Variants in HECW1 observed in about 807,000 individuals in gnomAD.
HECW1 encodes the protein E3 ubiquitin-protein ligase HECW1.
Under a neutral mutation model 182.3 loss-of-function variants are expected in HECW1, and 61 were observed. That is an observed-to-expected ratio of 0.33 (90% CI 0.27 to 0.41). The LOEUF (loss-of-function observed/expected upper bound fraction) is 0.41, where lower values mean the gene tolerates loss of function less well. Among genes scored for constraint, HECW1 ranks in the 10% least tolerant of loss-of-function variants. The pLI is 1.00. For missense variants in HECW1, 1,739 were observed against 2,108.9 expected (o/e 0.82, Z 3.44); for synonymous variants, 859 against 832.6 (o/e 1.03, Z -0.55).
At chr7:43,218,697 A>G (rs1292758433) in intron 2 of HECW1, among the ~76,000 whole-genome samples, 2 of 152,218 alleles carry the variant, frequency 1.3e-5, no homozygotes, top group African/African-American at 4.8e-5. Context: ...ACAAAGCCCA[A>G]GGGAAAAGAG....
chr7:43,354,933 A>G (rs1195011095), intron 5 of HECW1, among the ~76,000 whole-genome samples: 8 of 152,072 alleles, frequency 5.3e-5, no homozygotes, highest in African/African-American at 2.4e-5. Flanking sequence ...AAAGCAAAGA[A>G]CATATAAAGG....
intron 2 of HECW1, among the ~76,000 whole-genome samples, chr7:43,235,506 A>T (rs1798249231): frequency 6.6e-6 from 1 of 152,222 alleles, no homozygotes; most frequent in Non-Finnish European, 1.5e-5. Flanking sequence ...AGAAAAAGAA[A>T]ACATGGACTA....
intron 5 of HECW1, among the ~76,000 whole-genome samples, chr7:43,349,285 C>A (rs1486618789): frequency 6.6e-6 from 1 of 152,134 alleles, no homozygotes; most frequent in African/African-American, 2.4e-5. Flanking sequence ...CTGCCTGCCT[C>A]GGCCTCCCAA....
intron 6 of HECW1, among the ~76,000 whole-genome samples, chr7:43,383,860 G>A (rs1020038582): frequency 3.3e-5 from 5 of 152,024 alleles, no homozygotes; most frequent in African/African-American, 9.7e-5. Flanking sequence ...TATGTTATTT[G>A]TATTATATAC....
intron 8 of HECW1, among the ~76,000 whole-genome samples, chr7:43,428,036 C>A (rs2076417318): frequency 6.6e-6 from 1 of 152,170 alleles, no homozygotes; most frequent in Non-Finnish European, 1.5e-5. Context: ...ACAGGCCCCA[C>A]CTGCACCTAG....
chr7:43,167,391 T>A (rs918209493), intron 2 of HECW1, among the ~76,000 whole-genome samples: 2 of 152,198 alleles, frequency 1.3e-5, no homozygotes, highest in Non-Finnish European at 2.9e-5. Flanking sequence ...GATCCTTGCT[T>A]AATCACCTCT....
chr7:43,190,470 A>C (rs909861648), intron 2 of HECW1, among the ~76,000 whole-genome samples: 3 of 152,196 alleles, frequency 2.0e-5, no homozygotes, highest in African/African-American at 7.2e-5. Context: ...TCTTCATTGT[A>C]CAACTAAATC....
intron 5 of HECW1, among the ~76,000 whole-genome samples, chr7:43,330,096 C>A (rs1435146149): frequency 6.6e-6 from 1 of 152,152 alleles, no homozygotes; most frequent in Non-Finnish European, 1.5e-5. Context: ...CCCTGATGCT[C>A]CTCCTATTGA....
chr7:43,509,072 A>G lies in HECW1; in HGVS notation c.3970A>G (p.Thr1324Ala). 1 of 1,614,116 alleles carries G rather than the reference A, an allele frequency of 6.2e-7. No homozygotes were observed. The highest frequency in any genetic ancestry group is 8.5e-7 in the Non-Finnish European group (1 of 1,180,000). The change falls in exon 24 of 30, where the codon ACG becomes GCG. Residue 1324 changes from threonine (T) to alanine (A), a missense_variant. Transcript: ENST00000395891. Reference sequence around the variant, plus strand: ...TGAGTACTCGGCAAATGATACTTACACGGTGCAGATCAGCCCCATGTCCGC... The same window carrying G: ...TGAGTACTCGGCAAATGATACTTACGCGGTGCAGATCAGCCCCATGTCCGC... Reference protein sequence around the residue: ...LFEYSANDTYTVQISPMSAFV... With the variant: ...LFEYSANDTYAVQISPMSAFV...
In HECW1 at chr7:43,311,624, A is replaced by G. The variant is rs558832867; in HGVS notation, c.28-139A>G. The G allele has an allele frequency of 1.1e-4, 87 of 824,774 alleles. No individual in the cohort carries two copies. In the East Asian group the frequency reaches 1.6e-3, roughly 15 times the overall value. The allele number at this position is 824,774 out of a possible 1,614,324, so 51.1% of individuals were successfully genotyped here. The stretch of plus-strand genomic sequence containing the variant: ...GCCTTTGTCACGAGGAAGATGCTCT[A>G]TGCCATGTTTCATATCTGCCCAGCA... On this transcript the variant is annotated intron_variant, in intron 3 of 29. Coordinates refer to ENST00000395891, the MANE Select transcript of HECW1 (RefSeq NM_015052.5).
Position 43,169,590 on chromosome 7 carries a change from T to C in HECW1, c.-32+55199T>C, listed in dbSNP as rs531591712. On this transcript the variant is annotated intron_variant, in intron 2 of 29. Transcript: ENST00000395891. ...AAAAGTAATGGGCTTAATCATCATA[T>C]GCTAGTACTTTGCTCTTGCCTAAAA... Among the ~76,000 whole-genome samples the C allele has an allele frequency of 7.9e-5, 12 of 152,312 alleles. No homozygotes were observed. The South Asian group carries it at 2.1e-3, about 26-fold the overall frequency.
chr7:43,168,132 G>T (rs1791309373), intron 2 of HECW1, among the ~76,000 whole-genome samples: 1 of 152,190 alleles, frequency 6.6e-6, no homozygotes, highest in South Asian at 2.1e-4. Flanking sequence ...TGAGGAGAGG[G>T]ACTGGACATG....
intron 16 of HECW1, among the ~76,000 whole-genome samples, chr7:43,471,235 T>C (rs1449614175): frequency 1.3e-5 from 2 of 152,192 alleles, no homozygotes; most frequent in African/African-American, 2.4e-5. Context: ...AAAAGTATGT[T>C]TGGACCGTGT....
At chr7:43,141,529 C>A (rs1192378180) in intron 2 of HECW1, among the ~76,000 whole-genome samples, 1 of 151,752 alleles carries the variant, frequency 6.6e-6, no homozygotes, top group Non-Finnish European at 1.5e-5. Context: ...AACAGAGTTT[C>A]GCTGTTGTTG....
intron 24 of HECW1, among the ~76,000 whole-genome samples, chr7:43,529,088 C>G (rs1342477746): frequency 1.3e-5 from 2 of 152,158 alleles, no homozygotes; most frequent in African/African-American, 4.8e-5. Context: ...CCTGCTCCCA[C>G]AGTGGCCCTC....
At position 43,469,121 on chromosome 7, in the gene HECW1, G is replaced by A. The variant is rs199867554; in HGVS notation, c.3099+16G>A. 179 of 1,610,984 alleles carry A rather than the reference G, an allele frequency of 1.1e-4. No homozygotes were observed. The highest frequency in any genetic ancestry group is 1.3e-4 in the Non-Finnish European group (155 of 1,178,420). ...GCAGGGAAAGGTGAGTGTGACCCAC[G>A]TGCGGGGCTTTCATCAAACAGGCTC... On this transcript the variant is annotated intron_variant, in intron 16 of 29. Coordinates refer to ENST00000395891, the MANE Select transcript of HECW1 (RefSeq NM_015052.5).
chr7:43,215,121 C>T (rs1796328471), intron 2 of HECW1, among the ~76,000 whole-genome samples: 2 of 152,254 alleles, frequency 1.3e-5, no homozygotes, highest in African/African-American at 4.8e-5. Context: ...TCTTGATTTA[C>T]ATTCTTCTTG....
chr7:43,191,430 G>C (rs1272378885), intron 2 of HECW1, among the ~76,000 whole-genome samples: 4 of 152,194 alleles, frequency 2.6e-5, no homozygotes, highest in Non-Finnish European at 4.4e-5. Context: ...AGCCAGAATG[G>C]GGACATGCGA....
chr7:43,523,006 T>C, intron 24 of HECW1: 1 of 443,474 alleles, frequency 2.3e-6, no homozygotes, highest in South Asian at 1.6e-5. Context: ...GCTTGTTTGT[T>C]TGTTTGTTTG....
Sources: gnomAD v4.1 joint callset for allele counts (sites outside exome capture counted in the v4.1 genomes callset) on GRCh38, gnomAD v4.1.1 for gene constraint, MANE v1.5 for transcripts, NCBI Gene and HGNC (gene_info 2026-07-23, HGNC 2026-07-21) for gene names.